BMS1: variants seen among roughly 807,000 people sequenced by gnomAD.
The protein encoded by BMS1 is ribosome biogenesis protein BMS1 homolog.
In BMS1, 53 loss-of-function variants were observed where a neutral mutation model predicts 138.7. The observed-to-expected ratio is 0.38, with a 90% CI of 0.31 to 0.48. The LOEUF is 0.48. BMS1 is among the 20% of genes least tolerant of loss of function. The pLI, the probability that BMS1 is intolerant of heterozygous loss-of-function variation, is 0.97. For missense variants in BMS1, 1,360 were observed against 1,565.5 expected (o/e 0.87, Z 2.22); for synonymous variants, 504 against 539.9 (o/e 0.93, Z 0.92).
At chr10:42,800,824 G>A (rs1841852100) in intron 12 of BMS1, among the ~76,000 whole-genome samples, 1 of 152,156 alleles carries the variant, frequency 6.6e-6, no homozygotes, top group Non-Finnish European at 1.5e-5. Flanking sequence ...ACTGCACCCA[G>A]CCCATGCTTG....
At chr10:42,802,338 G>A (rs1000860218) in intron 13 of BMS1, 120 bp downstream of exon 13, 1 of 809,178 alleles carries the variant, frequency 1.2e-6, no homozygotes, top group Non-Finnish European at 1.9e-6. Flanking sequence ...TGGGAATTCA[G>A]ACAGGAGTAA....
intron 13 of BMS1, among the ~76,000 whole-genome samples, chr10:42,811,488 T>C (rs1424451178): frequency 6.6e-6 from 1 of 151,720 alleles, no homozygotes; most frequent in Non-Finnish European, 1.5e-5. Flanking sequence ...ACTGCTGAGC[T>C]GTACCCCACA....
rs1390907391 is a variant in BMS1, at chr10:42,832,848, TAGTA to T, written c.*1755_*1758del. ...GCTGATAGGCCTGGGGACTGACACA[TAGTA>T]AGCCCATAACAATTATAATTTAAAA... On this transcript the variant is annotated 3_prime_UTR_variant, in exon 23 of 23. Transcript: ENST00000374518. 3 of 152,192 alleles carry T rather than the reference TAGTA, an allele frequency of 2.0e-5. No homozygotes were observed. Among genetic ancestry groups the T allele is most frequent in the Non-Finnish European group, 4.4e-5 (3 of 68,040 alleles). 9.4% of individuals were successfully genotyped at this position (152,192 alleles called of 1,614,324 possible). A position where few individuals can be genotyped will look rare whatever the true frequency, so the allele number is the denominator to read the frequency against.
rs183373416 is a variant in BMS1, at chr10:42,831,430, A to G, written c.*334A>G. 4 of 208,676 alleles carry G rather than the reference A, an allele frequency of 1.9e-5. No homozygotes were observed. The highest frequency in any genetic ancestry group is 6.9e-5 in the African/African-American group (3 of 43,208). 12.9% of individuals were successfully genotyped at this position (208,676 alleles called of 1,614,324 possible). A position where few individuals can be genotyped will look rare whatever the true frequency, so the allele number is the denominator to read the frequency against. ...TTTGGCTTAGTAGTTTTCATTAGGG[A>G]TGAATGCCTGACAATTCTTTGTGGA... On this transcript the variant is annotated 3_prime_UTR_variant, in exon 23 of 23. Transcript: ENST00000374518.
At chr10:42,797,826 C>T (rs946518755) in intron 11 of BMS1, among the ~76,000 whole-genome samples, 1 of 152,136 alleles carries the variant, frequency 6.6e-6, no homozygotes, top group East Asian at 1.9e-4. Context: ...ATATTCCTGC[C>T]CATAAAAATA....
chr10:42,823,562 A>T (rs763062482), intron 20 of BMS1, 47 bp from the exon 21 acceptor site: 1 of 1,463,516 alleles, frequency 6.8e-7, no homozygotes, highest in South Asian at 1.4e-5. Context: ...CAATATGGAT[A>T]TGAATCTTCT....
Position 42,823,738 on chromosome 10 carries a change from T to A in BMS1, c.3410T>A (p.Leu1137His). ...SGMRTTGQLR[L>H]AHGVRLKANK... ...ATGCGGACCACGGGCCAACTCAGGC[T>A]CGCCCATGGCGTCAGACTAAAGGCG... The change falls in exon 21 of 23, where the codon CTC (leucine) becomes CAC (histidine). Residue 1137 changes from leucine to histidine, a missense_variant. This residue lies in a region of BMS1 where 425 missense variants were observed against 568.3 expected (regional missense o/e 0.75). Transcript: ENST00000374518. 2 of 1,595,794 alleles carry A rather than the reference T, an allele frequency of 1.3e-6. No individual in the cohort carries two copies. Among genetic ancestry groups the A allele is most frequent in the Non-Finnish European group, 1.7e-6 (2 of 1,179,544 alleles).
At chr10:42,830,806 G>A (rs1409959299) in intron 22 of BMS1, 60 bp from the exon 23 acceptor site, 8 of 1,428,772 alleles carry the variant, frequency 5.6e-6, no homozygotes, top group Non-Finnish European at 7.7e-6. Flanking sequence ...TTAGTGCTTA[G>A]GATGCGAGTG....
At chr10:42,810,133 G>T (rs988206212) in intron 13 of BMS1, among the ~76,000 whole-genome samples, 1 of 151,990 alleles carries the variant, frequency 6.6e-6, no homozygotes, top group Non-Finnish European at 1.5e-5. Context: ...AAGCAGACTT[G>T]CATACCTGGA....
intron 11 of BMS1, among the ~76,000 whole-genome samples, chr10:42,797,902 G>A (rs879736660): frequency 1.1e-4 from 16 of 152,006 alleles, no homozygotes; most frequent in Non-Finnish European, 2.1e-4. Context: ...TTTTGCCCTT[G>A]TCCTCTGATT....
chr10:42,806,996 C>A (rs754697928), intron 13 of BMS1, among the ~76,000 whole-genome samples: 2 of 152,126 alleles, frequency 1.3e-5, no homozygotes, highest in Admixed American at 6.6e-5. Flanking sequence ...AACATTGATA[C>A]AATCTGTTGA....
At position 42,832,607 on chromosome 10, in the gene BMS1, T is replaced by C. The variant is rs556005304; in HGVS notation, c.*1511T>C. The C allele has an allele frequency of 5.9e-5, 9 of 152,220 alleles. No homozygotes were observed. The highest frequency in any genetic ancestry group is 9.6e-5 in the African/African-American group (4 of 41,524). 9.4% of individuals were successfully genotyped at this position (152,220 alleles called of 1,614,324 possible). The stretch of plus-strand genomic sequence containing the variant: ...AGAGGGTTGGCAGGATTATGAGCAG[T>C]TGGCCTAGTCTGAGAGGCTCTCTAA... On this transcript the variant is annotated 3_prime_UTR_variant, in exon 23 of 23. Transcript: ENST00000374518.
intron 3 of BMS1, among the ~76,000 whole-genome samples, chr10:42,786,579 C>CT (rs1217653837): frequency 1.3e-5 from 2 of 149,362 alleles, no homozygotes; most frequent in East Asian, 2.0e-4. Flanking sequence ...GCTAATTTTT[C>CT]TTTTTTTTCC....
At position 42,796,115 on chromosome 10, in the gene BMS1, C is replaced by G. The variant is rs192761873; in HGVS notation, c.1230-359C>G. On this transcript the variant is annotated intron_variant, in intron 9 of 22. Coordinates refer to ENST00000374518, the MANE Select transcript of BMS1 (RefSeq NM_014753.4). ...CTTTCTGCTTTGGGCCTGGACTTAC[C>G]CATTTCTCTTAAGGATCATGTGTTT... Among the ~76,000 whole-genome samples, 315 of 152,220 alleles carry G rather than the reference C, an allele frequency of 2.1e-3. 7 individuals carry two copies. Among genetic ancestry groups the G allele is most frequent in the Middle Eastern group, 3.4e-3 (1 of 294 alleles).
intron 21 of BMS1, among the ~76,000 whole-genome samples, chr10:42,826,437 C>A (rs1842649061): frequency 1.3e-5 from 2 of 152,166 alleles, no homozygotes. Context: ...ACTCTGGACC[C>A]TACAGTGGTG....
At chr10:42,811,477 T>G (rs968344437) in intron 13 of BMS1, among the ~76,000 whole-genome samples, 63 of 151,880 alleles carry the variant, frequency 4.1e-4, no homozygotes, top group African/African-American at 1.5e-3. Flanking sequence ...TCCTTCTCAG[T>G]ACTGCTGAGC....
rs200996070 is a variant in BMS1 at position 42,823,211 on chromosome 10, C to G, written c.3226C>G (p.Arg1076Gly). 6.2e-7 allele frequency: 1 copy of G among 1,606,172 alleles called. No individual in the cohort carries two copies. The highest frequency in any genetic ancestry group is 8.5e-7 in the Non-Finnish European group (1 of 1,178,000). Residue 1076 changes from arginine to glycine, a missense_variant, in exon 20 of 23, where the codon CGA becomes GGA. Arg to Gly is a moderately radical substitution (Grantham distance 125). This residue lies in a region of BMS1 where 425 missense variants were observed against 568.3 expected (regional missense o/e 0.75). Coordinates refer to ENST00000374518, the MANE Select transcript of BMS1 (RefSeq NM_014753.4). ...GIRGQIKKAL[R>G]APEGAFRASF... ...AAGGGGGCAGATCAAGAAAGCACTC[C>G]GAGCTCCAGAAGGAGCTTTCAGGGC...
chr10:42,809,448 A>G (rs1351584604), intron 13 of BMS1, among the ~76,000 whole-genome samples: 2 of 150,646 alleles, frequency 1.3e-5, no homozygotes, highest in Non-Finnish European at 3.0e-5. Flanking sequence ...AGGGGTAGTG[A>G]TGGGGTCTCA....
chr10:42,796,674 A>T lies in BMS1; in HGVS notation c.1430A>T (p.Tyr477Phe). Reference sequence around the variant, plus strand: ...GAAAATGCTGAGATGACTGATCAGTATATGGCTGTTAAGGGCATCAAACGA... The same window carrying T: ...GAAAATGCTGAGATGACTGATCAGTTTATGGCTGTTAAGGGCATCAAACGA... The part of the protein sequence containing the change: ...EEENAEMTDQ[Y>F]MAVKGIKRRK... Residue 477 changes from tyrosine (Y) to phenylalanine (F), a missense_variant, in exon 10 of 23, where the codon TAT (tyrosine) becomes TTT (phenylalanine). By Grantham distance (22) the Tyr-to-Phe change is conservative (BLOSUM62 3). Transcript: ENST00000374518. The T allele has an allele frequency of 6.2e-7, 1 of 1,614,222 alleles. No homozygotes were observed. Among genetic ancestry groups the T allele is most frequent in the African/African-American group, 1.3e-5 (1 of 75,056 alleles).
Sources: allele counts gnomAD v4.1 joint callset (sites outside exome capture counted in the v4.1 genomes callset), GRCh38; gene constraint gnomAD v4.1.1; regional missense constraint gnomAD v4.1.1; transcripts MANE v1.5; gene names NCBI Gene and HGNC (gene_info 2026-07-23, HGNC 2026-07-21).